Variants in INPP4B observed in about 807,000 individuals in gnomAD.
The protein encoded by INPP4B is inositol polyphosphate 4-phosphatase type II.
In INPP4B, 55 loss-of-function variants were observed where a neutral mutation model predicts 122.5. The ratio of observed to expected loss-of-function variants is 0.45; its 90% confidence interval spans 0.36 to 0.56. The LOEUF (loss-of-function observed/expected upper bound fraction) is 0.56. INPP4B is among the 20% of genes least tolerant of loss of function. The pLI is 0.00. For missense variants in INPP4B, 1,000 were observed against 1,097.7 expected (o/e 0.91, Z 1.26); for synonymous variants, 403 against 388.7 (o/e 1.04, Z -0.43).
At chr4:142,532,485 T>A (rs769313620) in intron 2 of INPP4B, among the ~76,000 whole-genome samples, 19 of 152,138 alleles carry the variant, frequency 1.2e-4, no homozygotes, top group Non-Finnish European at 2.4e-4. Flanking sequence ...GCTCTGATCA[T>A]CCCTGGCTTC....
intron 2 of INPP4B, among the ~76,000 whole-genome samples, chr4:142,504,626 G>C (rs1271037257): frequency 6.6e-6 from 1 of 152,122 alleles, no homozygotes; most frequent in Non-Finnish European, 1.5e-5. Flanking sequence ...GGCTGAGAGA[G>C]TGATGATATA....
At chr4:142,063,825 TG>T (rs1329013546) in intron 25 of INPP4B, among the ~76,000 whole-genome samples, 1 of 152,130 alleles carries the variant, frequency 6.6e-6, no homozygotes, top group Non-Finnish European at 1.5e-5. Flanking sequence ...AAAATATTTA[TG>T]AAAAAACTAA....
chr4:142,395,445 A>T (rs1455402966), intron 7 of INPP4B, among the ~76,000 whole-genome samples: 4 of 152,230 alleles, frequency 2.6e-5, no homozygotes, highest in Non-Finnish European at 5.9e-5. Flanking sequence ...TCAGGAAACC[A>T]AGTTTAATAA....
At chr4:142,811,801 T>C (rs1357029117) in intron 1 of INPP4B, among the ~76,000 whole-genome samples, 1 of 152,146 alleles carries the variant, frequency 6.6e-6, no homozygotes, top group African/African-American at 2.4e-5. Context: ...AGCTCCCCAC[T>C]CCATGAGGAT....
intron 2 of INPP4B, among the ~76,000 whole-genome samples, chr4:142,662,481 C>T (rs976433184): frequency 1.1e-4 from 16 of 152,198 alleles, no homozygotes; most frequent in South Asian, 4.2e-4. Context: ...GTGTTGATGA[C>T]GCGGGGAGGT....
At chr4:142,165,232 G>A (rs1302295991) in intron 16 of INPP4B, among the ~76,000 whole-genome samples, 2 of 52,182 alleles carry the variant, frequency 3.8e-5, no homozygotes, top group Non-Finnish European at 7.3e-5. Context: ...TTCCATTTGA[G>A]TAGTATCATT....
intron 1 of INPP4B, among the ~76,000 whole-genome samples, chr4:142,812,097 TA>T (rs937925441): frequency 6.6e-6 from 1 of 152,262 alleles, no homozygotes; most frequent in East Asian, 1.9e-4. Flanking sequence ...GCTTAAAATC[TA>T]ATGAGAGATA....
At chr4:142,470,286 C>T (rs569605457) in intron 2 of INPP4B, among the ~76,000 whole-genome samples, 2 of 152,124 alleles carry the variant, frequency 1.3e-5, no homozygotes, top group East Asian at 1.9e-4. Flanking sequence ...TTAAAAGATG[C>T]TTCACAATGA....
At chr4:142,586,183 G>A (rs576436849) in intron 2 of INPP4B, among the ~76,000 whole-genome samples, 26 of 151,964 alleles carry the variant, frequency 1.7e-4, no homozygotes, top group African/African-American at 5.1e-4. Context: ...AATGGCTTCC[G>A]GACCTGTGGT....
chr4:142,485,284 C>A (rs547463208), intron 2 of INPP4B, among the ~76,000 whole-genome samples: 1 of 151,990 alleles, frequency 6.6e-6, no homozygotes. Flanking sequence ...TGAAAATTTT[C>A]TCATAAAAAA....
chr4:142,664,731 C>G (rs574984162), intron 2 of INPP4B, among the ~76,000 whole-genome samples: 30 of 152,002 alleles, frequency 2.0e-4, no homozygotes, highest in African/African-American at 6.0e-4. Flanking sequence ...TCCAAGAGCA[C>G]AGAAATTTAC....
chr4:142,023,785 T>A lies in INPP4B; in HGVS notation c.*4997A>T, dbSNP rs1038363628. 6.6e-6 allele frequency: 1 copy of A among 152,186 alleles called. No homozygotes were observed. The highest frequency in any genetic ancestry group is 2.4e-5 in the African/African-American group (1 of 41,464). 9.4% of individuals were successfully genotyped at this position (152,186 alleles called of 1,614,324 possible). On this transcript the variant is annotated 3_prime_UTR_variant, in exon 26 of 26. Transcript: ENST00000262992. ...CTAAAATATATTTTTTTTGGCAAGA[T>A]GTGATTTATCAGGCAACATCACTTG...
chr4:142,779,588 T>C (rs1047150880), intron 1 of INPP4B, among the ~76,000 whole-genome samples: 1 of 152,102 alleles, frequency 6.6e-6, no homozygotes, highest in African/African-American at 2.4e-5. Flanking sequence ...GAGGTCAATA[T>C]TGGTATGGCA....
intron 18 of INPP4B, among the ~76,000 whole-genome samples, chr4:142,130,592 C>A (rs937568088): frequency 6.6e-6 from 1 of 152,152 alleles, no homozygotes; most frequent in Non-Finnish European, 1.5e-5. Context: ...TTTATATTAA[C>A]CCTGAGAGGA....
At chr4:142,699,675 C>T (rs1446380605) in intron 2 of INPP4B, among the ~76,000 whole-genome samples, 1 of 152,158 alleles carries the variant, frequency 6.6e-6, no homozygotes, top group Non-Finnish European at 1.5e-5. Context: ...TCTGACACCC[C>T]CTCCATCTTT....
intron 5 of INPP4B, among the ~76,000 whole-genome samples, chr4:142,425,971 A>G (rs1807967440): frequency 6.6e-6 from 1 of 152,012 alleles, no homozygotes; most frequent in South Asian, 2.1e-4. Context: ...TGCATTGAGT[A>G]TTAGCCATCA....
chr4:142,201,192 T>C (rs924343941), intron 14 of INPP4B, among the ~76,000 whole-genome samples: 17 of 152,070 alleles, frequency 1.1e-4, no homozygotes, highest in Admixed American at 2.0e-4. Flanking sequence ...CTGCTGAATG[T>C]TATTCTCAGA....
intron 1 of INPP4B, among the ~76,000 whole-genome samples, chr4:142,769,620 A>C (rs1772723048): frequency 6.6e-6 from 1 of 152,172 alleles, no homozygotes; most frequent in Non-Finnish European, 1.5e-5. Flanking sequence ...TTTACTTTAA[A>C]AGTGCAAATA....
At chr4:142,443,676 G>A (rs997461526) in intron 3 of INPP4B, among the ~76,000 whole-genome samples, 2 of 151,990 alleles carry the variant, frequency 1.3e-5, no homozygotes, top group African/African-American at 2.4e-5. Flanking sequence ...TCCCACCAGA[G>A]GGGGCATGCA....
Sources: gnomAD v4.1 joint callset for allele counts (sites outside exome capture counted in the v4.1 genomes callset) on GRCh38, gnomAD v4.1.1 for gene constraint, MANE v1.5 for transcripts, NCBI Gene and HGNC (gene_info 2026-07-23, HGNC 2026-07-21) for gene names.